Variants in HDAC9 observed in about 807,000 individuals in gnomAD.
HDAC9 encodes histone deacetylase 9, also known as MEF-2 interacting transcription repressor (MITR) protein.
In HDAC9, 41 loss-of-function variants were observed where a neutral mutation model predicts 139.4. The ratio of observed to expected loss-of-function variants is 0.29; its 90% CI spans 0.23 to 0.38. The LOEUF (loss-of-function observed/expected upper bound fraction) is 0.38. Ranked by LOEUF, HDAC9 falls within the 10% of genes least tolerant of loss-of-function variation. The probability of loss-of-function intolerance (pLI) is 1.00; values close to 1 mark genes in which losing one functional copy is unlikely to be tolerated. For synonymous variants in HDAC9, 517 were observed against 476.2 expected (o/e 1.09, Z -1.12); for missense variants, 1,147 against 1,297.0 (o/e 0.88, Z 1.78).
chr7:18,605,257 A>G (rs934020708), intron 6 of HDAC9, among the ~76,000 whole-genome samples: 1 of 152,306 alleles, frequency 6.6e-6, no homozygotes, highest in Admixed American at 6.5e-5. Context: ...AAGGCGTTGG[A>G]CAGGAGAAAT....
At chr7:18,107,969 A>G (rs891713869) in intron 1 of HDAC9, among the ~76,000 whole-genome samples, 4 of 152,188 alleles carry the variant, frequency 2.6e-5, no homozygotes, top group African/African-American at 9.7e-5. Flanking sequence ...TCTTAGACAA[A>G]GATTTGAGTG....
At chr7:18,487,045 G>A (rs1319522394) in intron 1 of HDAC9, among the ~76,000 whole-genome samples, 1 of 152,062 alleles carries the variant, frequency 6.6e-6, no homozygotes, top group South Asian at 2.1e-4. Flanking sequence ...TGGTGCACCA[G>A]CAAGGGCTTC....
intron 1 of HDAC9, among the ~76,000 whole-genome samples, chr7:18,416,585 A>G (rs149660165): frequency 2.0e-4 from 30 of 152,250 alleles, no homozygotes; most frequent in African/African-American, 6.0e-4. Context: ...TCTATAACAG[A>G]TATAGGGCTG....
rs576128405 is a variant in HDAC9, at chr7:18,829,318, G to T, written c.2378+102G>T. The T allele has an allele frequency of 2.5e-4, 292 of 1,169,566 alleles. 2 individuals carry two copies. The South Asian group carries it at 3.4e-3, about 14-fold the overall frequency. 72.4% of individuals were successfully genotyped at this position (1,169,566 alleles called of 1,614,324 possible). On this transcript the variant is annotated intron_variant, in intron 18 of 25. Transcript: ENST00000686413. The stretch of plus-strand genomic sequence containing the variant: ...GCCTCTAATTGTTAGCAGATGGACT[G>T]AAAAATCTTGCGAGGTACTCCCAGA...
At chr7:18,645,643 T>C (rs982798709) in intron 9 of HDAC9, among the ~76,000 whole-genome samples, 3 of 152,156 alleles carry the variant, frequency 2.0e-5, no homozygotes, top group Non-Finnish European at 4.4e-5. Flanking sequence ...CAATTTTAGT[T>C]GTAAAAAATG....
At chr7:18,143,132 T>G (rs1178359) in intron 1 of HDAC9, among the ~76,000 whole-genome samples, 2 of 152,022 alleles carry the variant, frequency 1.3e-5, no homozygotes, top group East Asian at 1.9e-4. Flanking sequence ...GATCTCCCCC[T>G]GCTTTTGTAA....
Position 18,882,870 on chromosome 7 carries a change from A to G in HDAC9, c.2803+8274A>G, listed in dbSNP as rs146785791. The stretch of plus-strand genomic sequence containing the variant: ...GAAGGTGTTTCAGACTCCTGTTTGA[A>G]GAAAATGGAAGGAGGATGGGCAGAC... On this transcript the variant is annotated intron_variant, in intron 22 of 25. Coordinates refer to ENST00000686413, the MANE Select transcript of HDAC9 (RefSeq NM_178425.4). Among the ~76,000 whole-genome samples, 648 of 152,258 alleles carry G rather than the reference A, an allele frequency of 4.3e-3. 5 individuals are homozygous for G. The highest frequency in any genetic ancestry group is 0.015 in the African/African-American group (606 of 41,570).
At chr7:18,479,569 C>T (rs1404490310) in intron 1 of HDAC9, among the ~76,000 whole-genome samples, 1 of 152,184 alleles carries the variant, frequency 6.6e-6, no homozygotes, top group Non-Finnish European at 1.5e-5. Flanking sequence ...TGATAAGGCA[C>T]ATACCCTCAT....
chr7:18,798,512 A>G (rs1438565581), intron 17 of HDAC9, among the ~76,000 whole-genome samples: 1 of 152,186 alleles, frequency 6.6e-6, no homozygotes, highest in Non-Finnish European at 1.5e-5. Flanking sequence ...TTCTTAGCAT[A>G]AACTAGTAAC....
chr7:18,236,201 A>G (rs961897993), intron 2 of HDAC9, among the ~76,000 whole-genome samples: 6 of 152,188 alleles, frequency 3.9e-5, no homozygotes, highest in African/African-American at 1.2e-4. Context: ...CTCCTGCAGC[A>G]TCAGCATCAA....
chr7:18,346,748 C>T (rs1047253338), intron 1 of HDAC9, among the ~76,000 whole-genome samples: 8 of 152,048 alleles, frequency 5.3e-5, no homozygotes, highest in Admixed American at 1.3e-4. Context: ...TTACAATAGA[C>T]ACTGGTATGG....
At chr7:18,832,345 T>C (rs1795912833) in intron 19 of HDAC9, among the ~76,000 whole-genome samples, 2 of 152,254 alleles carry the variant, frequency 1.3e-5, no homozygotes, top group East Asian at 1.9e-4. Flanking sequence ...CAAGTCCCTA[T>C]ACTGAGTAAC....
chr7:18,177,652 C>T (rs969079534), intron 2 of HDAC9, among the ~76,000 whole-genome samples: 2 of 152,188 alleles, frequency 1.3e-5, no homozygotes, highest in African/African-American at 4.8e-5. Context: ...TTACCTCTCT[C>T]AGTTCTGGAA....
chr7:18,514,841 G>A (rs550495197), intron 2 of HDAC9, among the ~76,000 whole-genome samples: 17 of 152,160 alleles, frequency 1.1e-4, no homozygotes, highest in South Asian at 6.2e-4. Context: ...TAGCTACTCC[G>A]GAGGCTGAGG....
intron 22 of HDAC9, among the ~76,000 whole-genome samples, chr7:18,917,207 C>G (rs746690279): frequency 2.0e-5 from 3 of 151,880 alleles, no homozygotes; most frequent in Non-Finnish European, 4.4e-5. Context: ...CTGATCTCTC[C>G]GCTCAGACAC....
chr7:18,887,584 A>C (rs1585228246), intron 22 of HDAC9, among the ~76,000 whole-genome samples: 1 of 152,190 alleles, frequency 6.6e-6, no homozygotes, highest in African/African-American at 2.4e-5. Flanking sequence ...GACACTCTAC[A>C]TATAATAACG....
chr7:18,438,641 TGTGC>T (rs1554417455), intron 1 of HDAC9, among the ~76,000 whole-genome samples: 2 of 58,574 alleles, frequency 3.4e-5, no homozygotes, highest in Non-Finnish European at 6.7e-5. Context: ...ATATGCTGTG[TGTGC>T]GTGTGTGTGT....
At chr7:18,281,295 A>G (rs1797090882) in intron 2 of HDAC9, among the ~76,000 whole-genome samples, 1 of 152,132 alleles carries the variant, frequency 6.6e-6, no homozygotes, top group Non-Finnish European at 1.5e-5. Context: ...AAAACTATTC[A>G]CTGACTTATA....
chr7:18,450,794 T>G (rs1024526251), intron 1 of HDAC9, among the ~76,000 whole-genome samples: 4 of 152,194 alleles, frequency 2.6e-5, no homozygotes, highest in African/African-American at 7.2e-5. Flanking sequence ...GAGATTATAT[T>G]GTGATTGGTC....
Sources: allele counts gnomAD v4.1 joint callset (sites outside exome capture counted in the v4.1 genomes callset), GRCh38; gene constraint gnomAD v4.1.1; transcripts MANE v1.5; gene names NCBI Gene and HGNC (gene_info 2026-07-23, HGNC 2026-07-21).